The following SAE1 variants were observed in gnomAD, a reference collection of about 807,000 sequenced individuals.
SAE1 encodes SUMO-activating enzyme subunit 1.
In SAE1, 11 loss-of-function variants were observed where a neutral mutation model predicts 40.6. The observed-to-expected ratio is 0.27, with a 90% confidence interval of 0.17 to 0.45. The LOEUF (loss-of-function observed/expected upper bound fraction) is 0.45, where lower values mean the gene tolerates loss of function less well. Among genes scored for constraint, SAE1 ranks in the 20% least tolerant of loss-of-function variants. The pLI, the probability that SAE1 is intolerant of heterozygous loss-of-function variation, is 1.00. For synonymous variants in SAE1, 155 were observed against 154.3 expected, an observed-to-expected ratio of 1.00 and a Z score of -0.03; for missense variants, 373 against 427.3, an observed-to-expected ratio of 0.87 and a Z score of 1.12.
chr19:47,145,281 G>T (rs1195898690), intron 2 of SAE1, among the ~76,000 whole-genome samples: 1 of 152,096 alleles, frequency 6.6e-6, no homozygotes, highest in Non-Finnish European at 1.5e-5. Flanking sequence ...GATTGCAGGC[G>T]TGAGCCACCG....
At chr19:47,197,790 G>A (rs897171901) in intron 7 of SAE1, among the ~76,000 whole-genome samples, 2 of 152,206 alleles carry the variant, frequency 1.3e-5, no homozygotes, top group Non-Finnish European at 2.9e-5. Context: ...CACTCAAGTT[G>A]TGTTCAGGCT....
At chr19:47,135,570 T>G (rs1050890653) in intron 1 of SAE1, 3 of 152,070 alleles carry the variant, frequency 2.0e-5, no homozygotes, top group Non-Finnish European at 2.9e-5. Context: ...AGTGGTGTGA[T>G]CACAACTCAC....
At chr19:47,152,380 AC>A (rs548973531) in intron 3 of SAE1, among the ~76,000 whole-genome samples, 32 of 152,334 alleles carry the variant, frequency 2.1e-4, no homozygotes, top group Non-Finnish European at 3.8e-4. Context: ...AAAGTTTCAC[AC>A]CGCAATCTGT....
intron 6 of SAE1, among the ~76,000 whole-genome samples, chr19:47,193,629 A>G (rs901526536): frequency 6.6e-6 from 1 of 151,482 alleles, no homozygotes; most frequent in Admixed American, 6.6e-5. Context: ...TGAGACCAGG[A>G]ATTTTTCTAT....
At chr19:47,146,127 G>C (rs2058254388) in intron 2 of SAE1, among the ~76,000 whole-genome samples, 1 of 152,102 alleles carries the variant, frequency 6.6e-6, no homozygotes, top group African/African-American at 2.4e-5. Flanking sequence ...GGTAGAAATG[G>C]AAGCTAAAAG....
intron 5 of SAE1, among the ~76,000 whole-genome samples, chr19:47,157,490 C>T (rs1426271024): frequency 6.6e-6 from 1 of 152,184 alleles, no homozygotes. Context: ...TGAGGCAGGT[C>T]TTTCACATTC....
chr19:47,178,270 A>G (rs553288307), intron 6 of SAE1, among the ~76,000 whole-genome samples: 19 of 152,156 alleles, frequency 1.2e-4, no homozygotes, highest in Non-Finnish European at 1.6e-4. Context: ...CTATCTATCT[A>G]TCAGTCAGAA....
rs554341719 is a variant in SAE1 at position 47,148,874 on chromosome 19, A to G, written c.211-1328A>G. ...GGTGATCTGCCTGCCTCGGCCTCCCAAAGTGCTGGGATTACAAGCGTGAGC... is the reference window on the plus strand; with the variant it reads ...GGTGATCTGCCTGCCTCGGCCTCCCGAAGTGCTGGGATTACAAGCGTGAGC... On this transcript the variant is annotated intron_variant, in intron 2 of 8. Transcript: ENST00000270225. Among the ~76,000 whole-genome samples, 4 of 152,216 alleles carry G rather than the reference A, an allele frequency of 2.6e-5. No individual in the cohort carries two copies. In the South Asian group the frequency reaches 8.3e-4, roughly 32 times the overall value.
intron 6 of SAE1, among the ~76,000 whole-genome samples, chr19:47,185,168 T>C (rs1439304829): frequency 2.6e-5 from 4 of 152,220 alleles, no homozygotes; most frequent in Admixed American, 2.6e-4. Context: ...AAAAAACATG[T>C]GTCTAAAATC....
At chr19:47,203,535 TAA>T in intron 7 of SAE1, 134 bp from the exon 8 acceptor site, 1 of 699,332 alleles carries the variant, frequency 1.4e-6, no homozygotes. Context: ...ATGCCAGCAT[TAA>T]CACTGCTATC....
chr19:47,144,988 C>T (rs1312528694), intron 2 of SAE1, among the ~76,000 whole-genome samples: 16 of 151,568 alleles, frequency 1.1e-4, no homozygotes, highest in Admixed American at 2.6e-4. Context: ...CGCACCACCA[C>T]GCCTGGCTAA....
chr19:47,143,506 T>G lies in SAE1; in HGVS notation c.111T>G (p.Ser37=). 6.2e-7 allele frequency: 1 copy of G among 1,614,058 alleles called. No individual in the cohort carries two copies. Residue 37 remains serine, a synonymous_variant, in exon 2 of 9, where the codon TCT becomes TCG. Coordinates refer to ENST00000270225, the MANE Select transcript of SAE1 (RefSeq NM_005500.3). Reference sequence around the variant, plus strand: ...GTTTGTCTTACAGGCTGCGGGCCTCTCGGGTGCTTCTTGTCGGCTTGAAAG... The same window carrying G: ...GTTTGTCTTACAGGCTGCGGGCCTCGCGGGTGCTTCTTGTCGGCTTGAAAG... The part of the protein sequence containing the change: ...GLEAQKRLRA[S]RVLLVGLKGL...
chr19:47,141,362 G>A (rs531685230), intron 1 of SAE1, among the ~76,000 whole-genome samples: 15 of 151,970 alleles, frequency 9.9e-5, no homozygotes, highest in South Asian at 4.2e-4. Flanking sequence ...GGCTGGTCTC[G>A]AACTCCTGAC....
chr19:47,173,310 G>A (rs527341318), intron 6 of SAE1, among the ~76,000 whole-genome samples: 11 of 152,096 alleles, frequency 7.2e-5, no homozygotes, highest in East Asian at 5.8e-4. Flanking sequence ...AGTCTTGTTC[G>A]GAACAACCAT....
rs770367842 is a variant in SAE1, at chr19:47,143,508, G to C, written c.113G>C (p.Arg38Pro). 4.3e-6 allele frequency: 7 copies of C among 1,613,954 alleles called. No homozygotes were observed. Among genetic ancestry groups the C allele is most frequent in the Non-Finnish European group, 5.9e-6 (7 of 1,179,940 alleles). Reference sequence around the variant, plus strand: ...TTGTCTTACAGGCTGCGGGCCTCTCGGGTGCTTCTTGTCGGCTTGAAAGGA... The same window carrying C: ...TTGTCTTACAGGCTGCGGGCCTCTCCGGTGCTTCTTGTCGGCTTGAAAGGA... ...LEAQKRLRAS[R>P]VLLVGLKGLG... The change falls in exon 2 of 9, where the codon CGG (arginine) becomes CCG (proline). Residue 38 changes from arginine (R) to proline (P), a missense_variant. Arg to Pro is a moderately radical substitution (Grantham distance 103, BLOSUM62 -2). Coordinates refer to ENST00000270225, the MANE Select transcript of SAE1 (RefSeq NM_005500.3).
At chr19:47,143,191 C>T (rs549882821) in intron 1 of SAE1, among the ~76,000 whole-genome samples, 4 of 151,988 alleles carry the variant, frequency 2.6e-5, no homozygotes, top group Admixed American at 6.6e-5. Context: ...CTGCAACCTC[C>T]GCCTCATGGT....
intron 5 of SAE1, among the ~76,000 whole-genome samples, chr19:47,160,385 C>A (rs1462587094): frequency 7.3e-6 from 1 of 137,444 alleles, no homozygotes; most frequent in African/African-American, 2.7e-5. Flanking sequence ...CCACGCCCAG[C>A]TAATTTTTTT....
intron 6 of SAE1, among the ~76,000 whole-genome samples, chr19:47,192,975 G>A (rs1225700536): frequency 2.0e-5 from 3 of 151,914 alleles, no homozygotes; most frequent in African/African-American, 7.3e-5. Context: ...CGGAATACCA[G>A]CAGGACATCT....
chr19:47,185,099 G>T (rs959148138), intron 6 of SAE1, among the ~76,000 whole-genome samples: 1 of 151,816 alleles, frequency 6.6e-6, no homozygotes, highest in Admixed American at 6.6e-5. Flanking sequence ...GATTATAGGC[G>T]TACTTGGAAG....
Sources: gnomAD v4.1 joint callset for allele counts (sites outside exome capture counted in the v4.1 genomes callset) on GRCh38, gnomAD v4.1.1 for gene constraint, MANE v1.5 for transcripts, NCBI Gene and HGNC (gene_info 2026-07-23, HGNC 2026-07-21) for gene names.